Variants in PTPRT observed in about 807,000 individuals in gnomAD.
PTPRT encodes the protein protein tyrosine phosphatase receptor type T.
PTPRT carries 56 observed loss-of-function variants against 176.8 expected under a neutral mutation model. The observed-to-expected ratio is 0.32, with a 90% CI of 0.26 to 0.40. The LOEUF is 0.40. PTPRT is among the 10% of genes least tolerant of loss of function. PTPRT has a pLI of 1.00. For missense variants in PTPRT, 1,540 were observed against 1,908.2 expected, an observed-to-expected ratio of 0.81 and a Z score of 3.60; for synonymous variants, 783 against 739.0, an observed-to-expected ratio of 1.06 and a Z score of -0.96.
At chr20:42,840,728 G>A (rs1399971231) in intron 2 of PTPRT, among the ~76,000 whole-genome samples, 1 of 152,010 alleles carries the variant, frequency 6.6e-6, no homozygotes, top group Non-Finnish European at 1.5e-5. Flanking sequence ...ATCTTTTTTA[G>A]AGAGACACAA....
the PTPRT span, among the ~76,000 whole-genome samples, chr20:42,048,560 C>T: frequency 1.8e-4 from 27 of 152,152 alleles, no homozygotes; most frequent in African/African-American, 6.0e-4. Context: ...CATGGAGAGT[C>T]TGCATGTAGG....
intron 12 of PTPRT, among the ~76,000 whole-genome samples, chr20:42,289,319 A>G (rs887865891): frequency 1.3e-5 from 2 of 151,994 alleles, no homozygotes; most frequent in Non-Finnish European, 2.9e-5. Flanking sequence ...AAAGAAAAAC[A>G]AAAACAAAAC....
chr20:42,682,459 G>A (rs979397112), intron 6 of PTPRT, among the ~76,000 whole-genome samples: 1 of 152,122 alleles, frequency 6.6e-6, no homozygotes, highest in East Asian at 1.9e-4. Context: ...GGTTGTTCAG[G>A]CACACACCAG....
chr20:43,159,674 C>A (rs1364304134), intron 1 of PTPRT, among the ~76,000 whole-genome samples: 5 of 152,150 alleles, frequency 3.3e-5, no homozygotes, highest in African/African-American at 9.7e-5. Context: ...CAACATTGTT[C>A]TCTGGCTGCA....
At chr20:42,347,207 A>G (rs1267866084) in intron 11 of PTPRT, among the ~76,000 whole-genome samples, 1 of 152,342 alleles carries the variant, frequency 6.6e-6, no homozygotes, top group African/African-American at 2.4e-5. Context: ...AGATAATACA[A>G]TGGAAGTAAA....
At position 42,734,539 on chromosome 20, in the gene PTPRT, GA is replaced by G. The variant is rs530221601; in HGVS notation, c.859+21922del. On this transcript the variant is annotated intron_variant, in intron 6 of 30. Transcript: ENST00000373187. ...GGCAGAGCATGGCAGGATCCCAGGG[GA>G]AAAGAATTAGCACAACCTCATACAA... 9.3e-4 allele frequency among the ~76,000 whole-genome samples: 141 copies of G among 152,244 alleles called. No homozygotes were observed. The East Asian group carries it at 0.026, about 28-fold the overall frequency.
intron 7 of PTPRT, among the ~76,000 whole-genome samples, chr20:42,564,964 C>A (rs2073014407): frequency 6.6e-6 from 1 of 152,056 alleles, no homozygotes; most frequent in South Asian, 2.1e-4. Flanking sequence ...CGGAACCAAT[C>A]TCCTGAGGAT....
intron 11 of PTPRT, among the ~76,000 whole-genome samples, chr20:42,332,503 C>A (rs1037742605): frequency 5.9e-5 from 9 of 152,278 alleles, no homozygotes; most frequent in Non-Finnish European, 1.0e-4. Context: ...AGCCACTGCG[C>A]CCGGCCAGAA....
At chr20:43,047,706 TGAC>T (rs2146225478) in intron 1 of PTPRT, among the ~76,000 whole-genome samples, 1 of 149,512 alleles carries the variant, frequency 6.7e-6, no homozygotes, top group African/African-American at 2.5e-5. Context: ...ATGATGATGA[TGAC>T]ACCGATGACA....
chr20:43,091,516 CTCTT>C (rs1411413331), intron 1 of PTPRT, among the ~76,000 whole-genome samples: 2 of 147,810 alleles, frequency 1.4e-5, no homozygotes, highest in African/African-American at 2.6e-5. Flanking sequence ...TCTCCCCCCT[CTCTT>C]TCTCTCTCTC....
At chr20:42,335,025 C>T (rs1027288462) in intron 11 of PTPRT, among the ~76,000 whole-genome samples, 5 of 152,048 alleles carry the variant, frequency 3.3e-5, no homozygotes, top group African/African-American at 1.2e-4. Context: ...ATTCTGGAAA[C>T]CTAAAAATGG....
rs924521550 is a variant in PTPRT, at chr20:42,951,285, T to A, written c.89-65353A>T. 2.0e-5 allele frequency among the ~76,000 whole-genome samples: 3 copies of A among 151,320 alleles called. No homozygotes were observed. In the East Asian group the frequency reaches 5.8e-4, roughly 29 times the overall value. On this transcript the variant is annotated intron_variant, in intron 1 of 30. Transcript: ENST00000373187. ...TGGATGGATGGAGATGAATTATAAA[T>A]GTGTGAATGGATGATGGATGAGTAG... is the stretch of plus-strand genomic sequence containing the variant.
chr20:42,181,972 T>C (rs775682734), intron 16 of PTPRT, among the ~76,000 whole-genome samples: 4 of 151,992 alleles, frequency 2.6e-5, no homozygotes, highest in South Asian at 2.1e-4. Flanking sequence ...CATTTAATCA[T>C]AGACCTGAAG....
intron 12 of PTPRT, among the ~76,000 whole-genome samples, chr20:42,290,548 T>C (rs2057301438): frequency 6.6e-6 from 1 of 152,156 alleles, no homozygotes; most frequent in Non-Finnish European, 1.5e-5. Context: ...CAGTCCTCAA[T>C]GCTGCGTCTG....
At chr20:42,929,598 A>G (rs2145969680) in intron 1 of PTPRT, among the ~76,000 whole-genome samples, 2 of 152,372 alleles carry the variant, frequency 1.3e-5, no homozygotes, top group Middle Eastern at 6.8e-3. Context: ...AAAAATTAAT[A>G]ATAAAAGAGG....
At chr20:42,155,757 TTGTCTG>T (rs1467374368) in intron 17 of PTPRT, among the ~76,000 whole-genome samples, 1 of 152,144 alleles carries the variant, frequency 6.6e-6, no homozygotes, top group East Asian at 1.9e-4. Context: ...GTGCGTAGGC[TTGTCTG>T]GGCTCTGGGC....
chr20:42,623,835 C>A (rs1340718586), intron 7 of PTPRT, among the ~76,000 whole-genome samples: 3 of 151,638 alleles, frequency 2.0e-5, no homozygotes, highest in Non-Finnish European at 4.4e-5. Context: ...CTAACCTTAG[C>A]CCCATTTGCT....
intron 4 of PTPRT, among the ~76,000 whole-genome samples, chr20:42,774,745 A>G (rs997545864): frequency 2.0e-5 from 3 of 152,188 alleles, no homozygotes; most frequent in Admixed American, 1.3e-4. Flanking sequence ...CCCCGAGTAC[A>G]GTTCCCAGCA....
At chr20:42,494,412 C>T (rs1286139043) in intron 7 of PTPRT, among the ~76,000 whole-genome samples, 2 of 151,980 alleles carry the variant, frequency 1.3e-5, no homozygotes, top group South Asian at 2.1e-4. Context: ...ATGGATTTAG[C>T]GGAGGACGGT....
Sources: allele counts gnomAD v4.1 joint callset (sites outside exome capture counted in the v4.1 genomes callset), GRCh38; gene constraint gnomAD v4.1.1; transcripts MANE v1.5; gene names NCBI Gene and HGNC (gene_info 2026-07-23, HGNC 2026-07-21).